EML1: variants seen among roughly 807,000 people sequenced by gnomAD.
The protein encoded by EML1 is EMAP like 1.
EML1 carries 27 observed loss-of-function variants against 110.4 expected under a neutral mutation model. That is an observed-to-expected ratio of 0.24 (90% CI 0.18 to 0.34). EML1 has a LOEUF of 0.34. Among genes scored for constraint, EML1 ranks in the 10% least tolerant of loss-of-function variants. The pLI is 1.00. For missense variants in EML1, 741 were observed against 1,030.9 expected (o/e 0.72, Z 3.85); for synonymous variants, 344 against 385.8 (o/e 0.89, Z 1.27).
intron 1 of EML1, chr14:99,850,089 C>T: frequency 2.7e-6 from 1 of 363,770 alleles, no homozygotes. Context: ...ACCACCACAC[C>T]TGGCTAATTT....
intron 17 of EML1, among the ~76,000 whole-genome samples, chr14:99,927,213 G>C (rs2060250340): frequency 1.3e-5 from 2 of 152,112 alleles, no homozygotes; most frequent in Admixed American, 6.5e-5. Flanking sequence ...CCACACAATG[G>C]TAATTGGTTG....
At chr14:99,752,312 A>C (rs993901096) in intron 1 of EML1, among the ~76,000 whole-genome samples, 1 of 152,072 alleles carries the variant, frequency 6.6e-6, no homozygotes, top group African/African-American at 2.4e-5. Flanking sequence ...ACACACACCC[A>C]CAGTCCTACA....
rs928877098 is a variant in EML1, at chr14:99,895,724, C to T, written c.677+966C>T. 4.7e-5 allele frequency among the ~76,000 whole-genome samples: 7 copies of T among 149,040 alleles called. No individual in the cohort carries two copies. In the South Asian group the frequency reaches 1.1e-3, roughly 23 times the overall value. ...TGAATGAAGGGAGTCAAGTGAATGA[C>T]GTAAATGAAATTGACATATCACGTA... On this transcript the variant is annotated intron_variant, in intron 6 of 21. Transcript: ENST00000262233.
intron 6 of EML1, among the ~76,000 whole-genome samples, chr14:99,894,965 C>A (rs111225983): frequency 6.6e-6 from 1 of 152,108 alleles, no homozygotes; most frequent in African/African-American, 2.4e-5. Context: ...TTCATAAGAG[C>A]GGCTTATTAT....
chr14:99,936,480 A>G lies in EML1; in HGVS notation c.2095+146A>G, dbSNP rs1297990013. ...GTCATGGTTTCCGCCTCTGTAACGT[A>G]GGGGAGTGGGGCTGCGTGGCTTCTT... On this transcript the variant is annotated intron_variant, in intron 19 of 21. Transcript: ENST00000262233. This position sits in a 1 kb window ranked among gnomAD's most constrained non-coding sequence, Gnocchi z 5.5. The G allele has an allele frequency of 2.8e-6, 2 of 718,996 alleles. No individual in the cohort carries two copies. The highest frequency in any genetic ancestry group is 5.1e-5 in the Admixed American group (2 of 39,098). 44.5% of individuals were successfully genotyped at this position (718,996 alleles called of 1,614,324 possible). A position where few individuals can be genotyped will look rare whatever the true frequency, so the allele number is the denominator to read the frequency against.
chr14:99,854,897 G>A (rs1039743221), intron 2 of EML1, among the ~76,000 whole-genome samples: 1 of 152,172 alleles, frequency 6.6e-6, no homozygotes, highest in Non-Finnish European at 1.5e-5. Context: ...AGAATACAGT[G>A]AACAGACCCC....
intron 1 of EML1, among the ~76,000 whole-genome samples, chr14:99,786,664 C>A (rs552399814): frequency 1.3e-5 from 2 of 152,176 alleles, no homozygotes; most frequent in African/African-American, 4.8e-5. Flanking sequence ...GTCTGAGAGT[C>A]GCGAAGAGGA....
At chr14:99,771,253 A>G (rs564309172), upstream of EML1, among the ~76,000 whole-genome samples, 1 of 152,204 alleles carries the variant, frequency 6.6e-6, no homozygotes, top group African/African-American at 2.4e-5. Flanking sequence ...CCTTCCCCTC[A>G]GTCTCTGGGC....
At chr14:99,754,951 G>A (rs1486140859) in intron 1 of EML1, among the ~76,000 whole-genome samples, 5 of 152,236 alleles carry the variant, frequency 3.3e-5, no homozygotes, top group South Asian at 2.1e-4. Context: ...ACAGGTGGCC[G>A]TGAGGAAAAG....
chr14:99,860,092 AC>A (rs2058976481), intron 2 of EML1, among the ~76,000 whole-genome samples: 1 of 151,810 alleles, frequency 6.6e-6, no homozygotes, highest in Admixed American at 6.6e-5. Flanking sequence ...TGCCTTGAGG[AC>A]CCTTGCCCTC....
chr14:99,864,805 CAAAAAAA>C (rs67480916), intron 2 of EML1, among the ~76,000 whole-genome samples: 1 of 99,050 alleles, frequency 1.0e-5, no homozygotes, highest in Non-Finnish European at 2.1e-5. Context: ...AACTCTGTCT[CAAAAAAA>C]AAAAAAAAAA....
chr14:99,920,927 T>G (rs1430864711), intron 17 of EML1, 50 bp downstream of exon 17: 1 of 1,559,552 alleles, frequency 6.4e-7, no homozygotes, highest in African/African-American at 1.4e-5. Flanking sequence ...AACTTTTATT[T>G]TAAGTTCTGG....
chr14:99,832,686 A>G (rs1383841615), intron 1 of EML1, among the ~76,000 whole-genome samples: 2 of 152,072 alleles, frequency 1.3e-5, no homozygotes, highest in East Asian at 3.9e-4. Context: ...TCTCTGTTAG[A>G]TCTTTTGCTT....
intron 3 of EML1, among the ~76,000 whole-genome samples, chr14:99,866,319 C>T (rs2059098114): frequency 6.6e-6 from 1 of 152,066 alleles, no homozygotes. Flanking sequence ...GCCTGTAATT[C>T]CAGCACTTTG....
At chr14:99,933,536 CAT>C (rs2060412053) in intron 17 of EML1, among the ~76,000 whole-genome samples, 1 of 152,216 alleles carries the variant, frequency 6.6e-6, no homozygotes, top group African/African-American at 2.4e-5. Context: ...CCTGCCGTGT[CAT>C]GTGACAGATT....
At chr14:99,808,214 G>A (rs1047785094) in intron 1 of EML1, among the ~76,000 whole-genome samples, 2 of 152,174 alleles carry the variant, frequency 1.3e-5, no homozygotes, top group African/African-American at 4.8e-5. Context: ...TGAGGGCAGG[G>A]GCGCTGTGTT....
chr14:99,785,203 C>T (rs188306781), intron 1 of EML1, among the ~76,000 whole-genome samples: 13 of 152,264 alleles, frequency 8.5e-5, no homozygotes, highest in Admixed American at 3.9e-4. Flanking sequence ...TACAGACACA[C>T]GCCACCATGA....
chr14:99,937,819 G>A lies in EML1; in HGVS notation c.2098G>A (p.Val700Ile), dbSNP rs1244832390. Residue 700 changes from valine (V) to isoleucine (I), a missense_variant and splice_region_variant, in exon 20 of 22, where the codon GTT (valine) becomes ATT (isoleucine). Val to Ile is a conservative substitution (Grantham distance 29). Around this residue, in one of 4 missense-constraint regions of EML1, gnomAD observed 388 missense variants for 605.6 expected, o/e 0.64. Coordinates refer to ENST00000262233, the MANE Select transcript of EML1 (RefSeq NM_004434.3). ...NSGDYEILYW[V>I]PSACKQVVSV... ...GCCAGACTGTTTGCTTTTTGCAGGG[G>A]TTCCCTCTGCCTGTAAGCAAGTCGT... 2 of 1,613,910 alleles carry A rather than the reference G, an allele frequency of 1.2e-6. No individual in the cohort carries two copies. Among genetic ancestry groups the A allele is most frequent in the South Asian group, 2.2e-5 (2 of 91,052 alleles).
intron 3 of EML1, among the ~76,000 whole-genome samples, chr14:99,876,544 C>T (rs1170861783): frequency 1.3e-5 from 2 of 152,202 alleles, no homozygotes; most frequent in African/African-American, 4.8e-5. Context: ...TTAGTTTCCC[C>T]AGGGCTCTTC....
Sources: allele counts gnomAD v4.1 joint callset (sites outside exome capture counted in the v4.1 genomes callset), GRCh38; gene constraint gnomAD v4.1.1; regional missense constraint gnomAD v4.1.1; non-coding constraint Gnocchi (gnomAD v3.1); transcripts MANE v1.5; gene names NCBI Gene and HGNC (gene_info 2026-07-23, HGNC 2026-07-21).